Variants in PSMC2 observed in about 807,000 individuals in gnomAD.
The protein encoded by PSMC2 is proteasome 26S subunit, ATPase 2.
In PSMC2, 7 loss-of-function variants were observed where a neutral mutation model predicts 53.3. The observed-to-expected ratio is 0.13, with a 90% CI of 0.07 to 0.25. The LOEUF (loss-of-function observed/expected upper bound fraction) is 0.25, where lower values mean the gene tolerates loss of function less well. Among genes scored for constraint, PSMC2 ranks in the 10% least tolerant of loss-of-function variants. PSMC2 has a pLI of 1.00. For missense variants in PSMC2, 241 were observed against 544.0 expected, an observed-to-expected ratio of 0.44 and a Z score of 5.54; for synonymous variants, 169 against 183.9, an observed-to-expected ratio of 0.92 and a Z score of 0.66.
chr7:103,355,695 T>A lies in PSMC2; in HGVS notation c.192T>A (p.Gly64=). 6.2e-7 allele frequency: 1 copy of A among 1,610,246 alleles called. No homozygotes were observed. Among genetic ancestry groups the A allele is most frequent in the Non-Finnish European group, 8.5e-7 (1 of 1,176,576 alleles). The change falls in exon 4 of 12, where the codon GGT becomes GGA. Residue 64 remains glycine, a splice_region_variant and synonymous_variant. Coordinates refer to ENST00000292644, the MANE Select transcript of PSMC2 (RefSeq NM_002803.4). ...ATTTTGTCATCTTTCTCTATGTAGG[T>A]ATTAAAGAATCTGACACTGGCCTGG... The part of the protein sequence containing the change: ...QLLKKINELT[G]IKESDTGLAP...
At chr7:103,348,487 T>G (rs1819654808) in intron 1 of PSMC2, 2 of 600,804 alleles carry the variant, frequency 3.3e-6, no homozygotes, top group Non-Finnish European at 6.2e-6. Flanking sequence ...CATAGTATCC[T>G]GTATTATGCG....
At chr7:103,365,558 G>A (rs569066607) in intron 8 of PSMC2, among the ~76,000 whole-genome samples, 17 of 152,322 alleles carry the variant, frequency 1.1e-4, no homozygotes, top group African/African-American at 3.6e-4. Flanking sequence ...GAACCCAGAA[G>A]GCGAAGGTTG....
intron 1 of PSMC2, among the ~76,000 whole-genome samples, chr7:103,351,646 C>A (rs556010039): frequency 6.6e-6 from 1 of 152,296 alleles, no homozygotes; most frequent in African/African-American, 2.4e-5. Context: ...TGTTCTCAGA[C>A]AAGAGCCAAG....
At chr7:103,348,655 C>G in intron 1 of PSMC2, 1 of 1,536,408 alleles carries the variant, frequency 6.5e-7, no homozygotes, top group Non-Finnish European at 9.0e-7. Flanking sequence ...CCAGGGTTCT[C>G]GCTCTTGTCG....
chr7:103,358,412 T>C (rs1820166235), intron 4 of PSMC2, among the ~76,000 whole-genome samples: 2 of 152,204 alleles, frequency 1.3e-5, no homozygotes, highest in Non-Finnish European at 2.9e-5. Context: ...CCTTCCGTTT[T>C]CTTGGACCCT....
chr7:103,347,941 T>A (rs1819641402), intron 1 of PSMC2, among the ~76,000 whole-genome samples, 160 bp downstream of exon 1: 2 of 152,260 alleles, frequency 1.3e-5, no homozygotes, highest in African/African-American at 2.4e-5. Context: ...CTTGCCTGCC[T>A]TCTCAGTCTC....
upstream of PSMC2, chr7:103,347,563 A>C: frequency 1.2e-6 from 1 of 814,668 alleles, no homozygotes; most frequent in Admixed American, 2.3e-5. Context: ...GCGTTTCCCC[A>C]GGGCTCTGTC....
At chr7:103,358,721 C>A (rs1820184797) in intron 4 of PSMC2, among the ~76,000 whole-genome samples, 1 of 151,868 alleles carries the variant, frequency 6.6e-6, no homozygotes. Context: ...GTTCTTATCT[C>A]TCTATGGTAA....
chr7:103,361,833 T>G, intron 4 of PSMC2, 124 bp from the exon 5 acceptor site: 1 of 887,622 alleles, frequency 1.1e-6, no homozygotes. Context: ...TCTTTAACAG[T>G]GTCCCAGTTT....
At chr7:103,363,252 T>G (rs1820517131) in intron 6 of PSMC2, 92 bp from the exon 7 acceptor site, 1 of 987,922 alleles carries the variant, frequency 1.0e-6, no homozygotes, top group African/African-American at 1.6e-5. Flanking sequence ...CTTGTGAGTT[T>G]TTCTTTTAAG....
In PSMC2 at chr7:103,367,606, C is replaced by G; in HGVS notation, c.1038C>G (p.Pro346=). The G allele has an allele frequency of 6.2e-7, 1 of 1,613,974 alleles. No individual in the cohort carries two copies. Among genetic ancestry groups the G allele is most frequent in the Non-Finnish European group, 8.5e-7 (1 of 1,179,988 alleles). The change falls in exon 10 of 12, where the codon CCC becomes CCG. Residue 346 remains proline (P), a synonymous_variant. Transcript: ENST00000292644. The surrounding 1 kb of genome is among the most constrained non-coding windows in gnomAD (Gnocchi z 6.1). The part of the protein sequence containing the change: ...RLDRKIEFSL[P]DLEGRTHIFK... ...ATAGAAAAATTGAATTTAGCTTGCC[C>G]GATCTAGAGGTAAGAAAACCATTTC...
At chr7:103,359,414 G>A (rs868055583) in intron 4 of PSMC2, among the ~76,000 whole-genome samples, 2 of 151,968 alleles carry the variant, frequency 1.3e-5, no homozygotes, top group African/African-American at 4.8e-5. Flanking sequence ...ATTGTGCATT[G>A]ATCATCACTA....
intron 4 of PSMC2, among the ~76,000 whole-genome samples, chr7:103,356,345 T>C (rs1820032314): frequency 6.6e-6 from 1 of 152,224 alleles, no homozygotes; most frequent in Non-Finnish European, 1.5e-5. Flanking sequence ...TCTCAGTGTA[T>C]GTGCATACAT....
In PSMC2 at chr7:103,354,942, G is replaced by A; in HGVS notation, c.183G>A (p.Glu61=). ...DIQQLLKKIN[E]LTGIKESDTG... ...AGCAACTTCTCAAGAAAATTAATGAGCTCACTGGTATGTATTTTTAAATTC... is the reference window on the plus strand; with the variant it reads ...AGCAACTTCTCAAGAAAATTAATGAACTCACTGGTATGTATTTTTAAATTC... The change falls in exon 3 of 12, where the codon GAG becomes GAA. Residue 61 remains glutamate, a synonymous_variant. Transcript: ENST00000292644. The A allele has an allele frequency of 6.2e-7, 1 of 1,600,302 alleles. No individual in the cohort carries two copies. The highest frequency in any genetic ancestry group is 8.6e-7 in the Non-Finnish European group (1 of 1,167,842).
chr7:103,347,895 C>T (rs1819639881), intron 1 of PSMC2, 114 bp downstream of exon 1: 2 of 1,173,748 alleles, frequency 1.7e-6, no homozygotes, highest in Non-Finnish European at 2.5e-6. Flanking sequence ...CCCTTTTGTG[C>T]CCCTAGTAAT....
Position 103,367,826 on chromosome 7 carries a change from T to G in PSMC2, c.1144+17T>G, listed in dbSNP as rs1820793562. Reference sequence around the variant, plus strand: ...ATAGCACTGGTAAGTAGAAAGTTCTTGCTTATATTTGCTGGTCTGTCTGCT... The same window carrying G: ...ATAGCACTGGTAAGTAGAAAGTTCTGGCTTATATTTGCTGGTCTGTCTGCT... On this transcript the variant is annotated intron_variant, in intron 11 of 11. Coordinates refer to ENST00000292644, the MANE Select transcript of PSMC2 (RefSeq NM_002803.4). This position sits in a 1 kb window ranked among gnomAD's most constrained non-coding sequence, Gnocchi z 6.1. 1 of 1,611,802 alleles carries G rather than the reference T, an allele frequency of 6.2e-7. No individual in the cohort carries two copies. Among genetic ancestry groups the G allele is most frequent in the South Asian group, 1.1e-5 (1 of 90,660 alleles).
chr7:103,364,437 C>T (rs1057188485), intron 8 of PSMC2, 130 bp downstream of exon 8: 61 of 1,029,384 alleles, frequency 5.9e-5, no homozygotes, highest in Non-Finnish European at 7.7e-5. Flanking sequence ...GAGACAGAGT[C>T]TCATTGTGTT....
intron 3 of PSMC2, among the ~76,000 whole-genome samples, 167 bp from the exon 4 acceptor site, chr7:103,355,527 C>T (rs1227793606): frequency 6.9e-6 from 1 of 145,572 alleles, no homozygotes; most frequent in African/African-American, 2.5e-5. Flanking sequence ...GTGCTGCTGG[C>T]GTCTAGTGGT....
In PSMC2 at chr7:103,367,809, G is replaced by GGTAA. The variant is rs768392490; in HGVS notation, c.1144+4_1144+7dup. On this transcript the variant is annotated frameshift_variant and splice_region_variant. Coordinates refer to ENST00000292644, the MANE Select transcript of PSMC2 (RefSeq NM_002803.4). LOFTEE classifies it high-confidence loss of function. The surrounding 1 kb of genome is among the most constrained non-coding windows in gnomAD (Gnocchi z 6.1). ...AGCACGACTGTGTCCAAATAGCACT[G>GGTAA]GTAAGTAGAAAGTTCTTGCTTATAT... 1.9e-6 allele frequency: 3 copies of GGTAA among 1,612,936 alleles called. No homozygotes were observed. Among genetic ancestry groups the GGTAA allele is most frequent in the Admixed American group, 1.7e-5 (1 of 59,900 alleles).
Sources: allele counts gnomAD v4.1 joint callset (sites outside exome capture counted in the v4.1 genomes callset), GRCh38; gene constraint gnomAD v4.1.1; non-coding constraint Gnocchi (gnomAD v3.1); transcripts MANE v1.5; gene names NCBI Gene and HGNC (gene_info 2026-07-23, HGNC 2026-07-21).